The following C11orf16 variants were observed in gnomAD, a reference collection of about 807,000 sequenced individuals.
C11orf16 encodes chromosome 11 open reading frame 16.
C11orf16 carries 38 observed loss-of-function variants against 45.1 expected under a neutral mutation model. The ratio of observed to expected loss-of-function variants is 0.84; its 90% CI spans 0.65 to 1.10. C11orf16 has a LOEUF of 1.10. C11orf16 is among the 50% of genes least tolerant of loss of function. The pLI, the probability that C11orf16 is intolerant of heterozygous loss-of-function variation, is 0.00. For missense variants in C11orf16, 583 were observed against 569.5 expected (o/e 1.02, Z -0.24); for synonymous variants, 221 against 222.0 (o/e 1.00, Z 0.04).
At chr11:8,921,653 T>G in intron 5 of C11orf16, 138 bp from the exon 6 acceptor site, 1 of 851,860 alleles carries the variant, frequency 1.2e-6, no homozygotes, top group Non-Finnish European at 1.8e-6. Flanking sequence ...TGAGACAGGG[T>G]CTTGCTATTA....
rs2064653693 is a variant in C11orf16, at chr11:8,932,142, C to T, written c.167G>A (p.Arg56Lys). Residue 56 changes from arginine to lysine, a missense_variant and splice_region_variant, in exon 2 of 7, where the codon AGG becomes AAG. By Grantham distance (26) the Arg-to-Lys change is conservative. Transcript: ENST00000326053. Reference protein sequence around the residue: ...PWLTGHKPLARHASSCPCLHV... With the variant: ...PWLTGHKPLAKHASSCPCLHV... ...CCCCCAGAGGGGCAGAGACAGGTAC[C>T]TTGCAAGGGGCTTGTGCCCGGTGAG... is the stretch of plus-strand genomic sequence containing the variant. The T allele has an allele frequency of 1.3e-6, 2 of 1,575,942 alleles. No individual in the cohort carries two copies. Among genetic ancestry groups the T allele is most frequent in the Non-Finnish European group, 1.7e-6 (2 of 1,161,458 alleles).
Position 8,927,038 on chromosome 11 carries a change from C to T in C11orf16, c.461G>A (p.Arg154Lys). The T allele has an allele frequency of 6.2e-7, 1 of 1,614,124 alleles. No homozygotes were observed. The highest frequency in any genetic ancestry group is 1.1e-5 in the South Asian group (1 of 91,074). ...GAGTGCCAGCACCTTATCCCCTGGT[C>T]TCAGTGAGTATCCTACAGATGGTGA... Reference protein sequence around the residue: ...PLSPSVGYSLRPGDKVLALWE... With the variant: ...PLSPSVGYSLKPGDKVLALWE... Residue 154 changes from arginine (R) to lysine (K), a missense_variant, in exon 4 of 7, where the codon AGA (arginine) becomes AAA (lysine). Transcript: ENST00000326053.
intron 5 of C11orf16, among the ~76,000 whole-genome samples, chr11:8,923,416 C>T (rs1465398438): frequency 8.5e-5 from 13 of 152,182 alleles, no homozygotes; most frequent in Non-Finnish European, 1.8e-4. Context: ...TACAGCTCTT[C>T]TTTCTCCAAG....
chr11:8,930,769 T>C (rs2134839726), intron 2 of C11orf16, among the ~76,000 whole-genome samples: 1 of 152,314 alleles, frequency 6.6e-6, no homozygotes. Flanking sequence ...TGCCTCCTGC[T>C]GCCATCAACA....
chr11:8,929,285 C>G (rs958985859), intron 3 of C11orf16, 92 bp downstream of exon 3: 1 of 1,361,366 alleles, frequency 7.3e-7, no homozygotes, highest in Non-Finnish European at 1.0e-6. Flanking sequence ...TGCAAGAAAC[C>G]AGCCTGCTAG....
At chr11:8,926,391 G>C (rs915435772) in intron 4 of C11orf16, among the ~76,000 whole-genome samples, 2 of 151,800 alleles carry the variant, frequency 1.3e-5, no homozygotes, top group Non-Finnish European at 2.9e-5. Flanking sequence ...CGCTGCTCTG[G>C]CTGCGTGGCT....
intron 3 of C11orf16, 37 bp from the exon 4 acceptor site, chr11:8,927,211 T>C: frequency 6.4e-7 from 1 of 1,551,638 alleles, no homozygotes; most frequent in African/African-American, 1.4e-5. Context: ...AGACCTGGCA[T>C]TACAAAGTAC....
At chr11:8,926,133 T>G (rs548005816) in intron 4 of C11orf16, 26 bp from the exon 5 acceptor site, 1 of 1,529,370 alleles carries the variant, frequency 6.5e-7, no homozygotes, top group East Asian at 2.3e-5. Flanking sequence ...TGGCAACATT[T>G]TGTTATAATT....
chr11:8,929,367 A>G lies in C11orf16; in HGVS notation c.324+10T>C. 6.2e-7 allele frequency: 1 copy of G among 1,612,528 alleles called. No homozygotes were observed. Among genetic ancestry groups the G allele is most frequent in the Non-Finnish European group, 8.5e-7 (1 of 1,179,126 alleles). ...AGCACGCCAGGGAGATACTGGGGTC[A>G]GGGACTTGCCTCGGGAGTGGCCTTT... is the stretch of plus-strand genomic sequence containing the variant. On this transcript the variant is annotated intron_variant, in intron 3 of 6. Transcript: ENST00000326053.
Position 8,920,200 on chromosome 11 carries a change from C to T in C11orf16, c.*273G>A, listed in dbSNP as rs956074131. The T allele has an allele frequency of 1.3e-5, 5 of 382,306 alleles. No individual in the cohort carries two copies. Among genetic ancestry groups the T allele is most frequent in the Middle Eastern group, 6.6e-4 (1 of 1,522 alleles). The allele number at this position is 382,306 out of a possible 1,614,324, so 23.7% of individuals were successfully genotyped here. Reference sequence around the variant, plus strand: ...CAAAGCAGGCTGACCCCCTCTTCCACGGAAGAGGCATCTTAAAGCAGTTTC... The same window carrying T: ...CAAAGCAGGCTGACCCCCTCTTCCATGGAAGAGGCATCTTAAAGCAGTTTC... On this transcript the variant is annotated 3_prime_UTR_variant, in exon 7 of 7. Transcript: ENST00000326053.
In C11orf16 at chr11:8,925,511, A is replaced by G; in HGVS notation, c.1156T>C (p.Trp386Arg). The stretch of plus-strand genomic sequence containing the variant: ...GGCCCGTTTCTCTTCCAATACCTCC[A>G]CTCAGGCTGGCAGAGGCCACTCTGT... The part of the protein sequence containing the change: ...LRQSGLCQPE[W>R]RYWKRNGPEP... Residue 386 changes from tryptophan (W) to arginine (R), a missense_variant, in exon 5 of 7, where the codon TGG (tryptophan) becomes CGG (arginine). By Grantham distance (101) the Trp-to-Arg change is moderately radical. Coordinates refer to ENST00000326053, the MANE Select transcript of C11orf16 (RefSeq NM_020643.3). 2 of 1,614,072 alleles carry G rather than the reference A, an allele frequency of 1.2e-6. No homozygotes were observed. The highest frequency in any genetic ancestry group is 2.2e-5 in the South Asian group (2 of 91,070).
chr11:8,929,287 G>C, intron 3 of C11orf16, 90 bp downstream of exon 3: 1 of 1,374,530 alleles, frequency 7.3e-7, no homozygotes. Context: ...CAAGAAACCA[G>C]CCTGCTAGAT....
intron 5 of C11orf16, among the ~76,000 whole-genome samples, chr11:8,924,202 AAT>A (rs1589932242): frequency 6.6e-6 from 1 of 152,126 alleles, no homozygotes; most frequent in East Asian, 1.9e-4. Context: ...ACTGAACACT[AAT>A]AAAATCCTTA....
At chr11:8,930,848 C>A (rs1049980483) in intron 2 of C11orf16, among the ~76,000 whole-genome samples, 2 of 152,104 alleles carry the variant, frequency 1.3e-5, no homozygotes, top group Admixed American at 1.3e-4. Context: ...TGCCCTCAGC[C>A]CCCCTCAGCC....
At chr11:8,927,991 T>C (rs2134836839) in intron 3 of C11orf16, among the ~76,000 whole-genome samples, 1 of 152,256 alleles carries the variant, frequency 6.6e-6, no homozygotes, top group Middle Eastern at 3.4e-3. Flanking sequence ...CACTGCAACC[T>C]CTGCCTCCTG....
intron 5 of C11orf16, 62 bp downstream of exon 5, chr11:8,925,401 G>C (rs2064602278): frequency 2.1e-6 from 3 of 1,442,106 alleles, no homozygotes; most frequent in East Asian, 4.6e-5. Context: ...GGACATGTGG[G>C]AGGGAAGGGA....
chr11:8,932,283 A>C lies in C11orf16; in HGVS notation c.26T>G (p.Met9Arg), dbSNP rs764281243. 5.0e-6 allele frequency: 8 copies of C among 1,609,946 alleles called. No individual in the cohort carries two copies. The highest frequency in any genetic ancestry group is 6.8e-6 in the Non-Finnish European group (8 of 1,178,340). The change falls in exon 2 of 7, where the codon ATG (methionine) becomes AGG (arginine). Residue 9 changes from methionine to arginine, a missense_variant. Coordinates refer to ENST00000326053, the MANE Select transcript of C11orf16 (RefSeq NM_020643.3). ...CACGCTGCAGTATTTGAGCAAAGGCATCCTGGGCCCCGTGGAGGATTCCAT... is the reference window on the plus strand; with the variant it reads ...CACGCTGCAGTATTTGAGCAAAGGCCTCCTGGGCCCCGTGGAGGATTCCAT... MESSTGPR[M>R]PLLKYCSVAT...
intron 3 of C11orf16, 198 bp from the exon 4 acceptor site, chr11:8,927,372 G>A: frequency 1.7e-6 from 1 of 597,980 alleles, no homozygotes. Context: ...GCACGGTTGT[G>A]CTCCCCTGAA....
chr11:8,923,377 T>C (rs2064587584), intron 5 of C11orf16, among the ~76,000 whole-genome samples: 1 of 152,176 alleles, frequency 6.6e-6, no homozygotes, highest in Non-Finnish European at 1.5e-5. Context: ...TCTCAGTTGC[T>C]CCCCACAGAC....
Sources: allele counts gnomAD v4.1 joint callset (sites outside exome capture counted in the v4.1 genomes callset), GRCh38; gene constraint gnomAD v4.1.1; transcripts MANE v1.5; gene names NCBI Gene and HGNC (gene_info 2026-07-23, HGNC 2026-07-21).